The following KHDRBS2 variants were observed in gnomAD, a reference collection of about 807,000 sequenced individuals.
KHDRBS2 encodes the protein KH RNA binding domain containing, signal transduction associated 2, also known as KH domain-containing, RNA-binding, signal transduction-associated protein 2.
A neutral mutation model predicts 44.3 loss-of-function variants in KHDRBS2; 26 were observed. That is an observed-to-expected ratio of 0.59 (90% CI 0.43 to 0.81). KHDRBS2 has a LOEUF of 0.81. Among genes scored for constraint, KHDRBS2 ranks in the 40% least tolerant of loss-of-function variants. KHDRBS2 has a pLI of 0.00. For synonymous variants in KHDRBS2, 194 were observed against 151.1 expected (o/e 1.28, Z -2.08); for missense variants, 476 against 433.1 (o/e 1.10, Z -0.88).
chr6:62,093,705 A>C (rs958918618), intron 2 of KHDRBS2, among the ~76,000 whole-genome samples: 1 of 151,800 alleles, frequency 6.6e-6, no homozygotes, highest in African/African-American at 2.4e-5. Flanking sequence ...CTGGAAAGAC[A>C]ATGTTTTAGA....
intron 4 of KHDRBS2, among the ~76,000 whole-genome samples, chr6:61,934,167 G>A (rs1346682762): frequency 2.6e-5 from 4 of 151,680 alleles, no homozygotes; most frequent in Non-Finnish European, 5.9e-5. Context: ...TTTTGCAGTT[G>A]AATTGTTTGA....
the KHDRBS2 span, among the ~76,000 whole-genome samples, chr6:61,545,722 T>C: frequency 1.1e-3 from 164 of 152,106 alleles, no homozygotes; most frequent in African/African-American, 3.7e-3. Flanking sequence ...ATGTTGAAGC[T>C]CTATTTCCAG....
chr6:62,003,793 G>C (rs2127261638), intron 3 of KHDRBS2, among the ~76,000 whole-genome samples: 1 of 152,228 alleles, frequency 6.6e-6, no homozygotes, highest in East Asian at 1.9e-4. Flanking sequence ...AAATGTAAAA[G>C]ATCAGAAATC....
the KHDRBS2 span, among the ~76,000 whole-genome samples, chr6:61,566,622 C>G: frequency 6.6e-6 from 1 of 152,244 alleles, no homozygotes; most frequent in East Asian, 1.9e-4. Context: ...AGGTTAGAAG[C>G]AAGATAGAAT....
the KHDRBS2 span, among the ~76,000 whole-genome samples, chr6:61,548,378 T>C: frequency 6.6e-6 from 1 of 152,108 alleles, no homozygotes; most frequent in Non-Finnish European, 1.5e-5. Flanking sequence ...CTCAGAAACA[T>C]GGTTTCCATA....
chr6:61,585,989 C>T, the KHDRBS2 span, among the ~76,000 whole-genome samples: 1 of 152,004 alleles, frequency 6.6e-6, no homozygotes, highest in Non-Finnish European at 1.5e-5. Flanking sequence ...TAGCCTTCTC[C>T]AGACTATGAA....
chr6:62,010,899 T>G (rs1160599911), intron 3 of KHDRBS2, among the ~76,000 whole-genome samples: 2 of 152,148 alleles, frequency 1.3e-5, no homozygotes, highest in Admixed American at 6.6e-5. Flanking sequence ...GAAAAACCTA[T>G]CAGCAAATAA....
intron 2 of KHDRBS2, among the ~76,000 whole-genome samples, chr6:62,129,712 T>C (rs772290396): frequency 7.9e-5 from 12 of 152,122 alleles, no homozygotes; most frequent in Non-Finnish European, 1.5e-4. Flanking sequence ...TAAAATAGCA[T>C]TAAAATTTTT....
intron 4 of KHDRBS2, among the ~76,000 whole-genome samples, chr6:61,906,691 C>T (rs568268176): frequency 7.2e-5 from 11 of 152,184 alleles, no homozygotes; most frequent in South Asian, 6.2e-4. Context: ...CTTAACCTGA[C>T]GACAGTTTCC....
chr6:62,067,280 C>T (rs116069742), intron 2 of KHDRBS2, among the ~76,000 whole-genome samples: 51 of 151,592 alleles, frequency 3.4e-4, no homozygotes, highest in African/African-American at 1.2e-3. Flanking sequence ...ACCCACTTAG[C>T]GGTATTAGAA....
chr6:62,182,499 G>A (rs1228145614), intron 1 of KHDRBS2, among the ~76,000 whole-genome samples: 1 of 151,928 alleles, frequency 6.6e-6, no homozygotes, highest in Non-Finnish European at 1.5e-5. Flanking sequence ...GTAGTGGGAT[G>A]AAACTTTTTG....
intron 6 of KHDRBS2, among the ~76,000 whole-genome samples, chr6:61,886,775 CAT>C (rs1389617362): frequency 2.6e-5 from 4 of 152,090 alleles, no homozygotes; most frequent in Admixed American, 6.6e-5. Context: ...ATAGCAAATA[CAT>C]ATATGTTAAT....
intron 1 of KHDRBS2, among the ~76,000 whole-genome samples, chr6:62,180,672 T>C (rs1222560326): frequency 6.6e-6 from 1 of 151,800 alleles, no homozygotes; most frequent in Non-Finnish European, 1.5e-5. Flanking sequence ...TGACATTTTT[T>C]ACAAAAATAG....
At chr6:61,900,562 G>T (rs1803794933) in intron 5 of KHDRBS2, among the ~76,000 whole-genome samples, 2 of 152,070 alleles carry the variant, frequency 1.3e-5, no homozygotes, top group Admixed American at 6.6e-5. Flanking sequence ...AATACAAAAA[G>T]ATAGCAATTT....
chr6:62,140,919 A>G (rs1329703691), intron 2 of KHDRBS2, among the ~76,000 whole-genome samples: 3 of 152,246 alleles, frequency 2.0e-5, no homozygotes, highest in Non-Finnish European at 4.4e-5. Flanking sequence ...AGAAACTTCT[A>G]TTGGTGTTCA....
At chr6:61,853,897 A>G (rs1466922733) in intron 6 of KHDRBS2, among the ~76,000 whole-genome samples, 1 of 152,194 alleles carries the variant, frequency 6.6e-6, no homozygotes, top group Non-Finnish European at 1.5e-5. Context: ...AGAGAACGAG[A>G]GATAACCTTT....
At chr6:62,047,012 T>G (rs1787852336) in intron 3 of KHDRBS2, among the ~76,000 whole-genome samples, 1 of 151,946 alleles carries the variant, frequency 6.6e-6, no homozygotes, top group Non-Finnish European at 1.5e-5. Context: ...CACTATAAAT[T>G]TCCTCATTTA....
intron 4 of KHDRBS2, among the ~76,000 whole-genome samples, chr6:61,913,734 G>C (rs1380592769): frequency 6.6e-6 from 1 of 152,010 alleles, no homozygotes; most frequent in Non-Finnish European, 1.5e-5. Context: ...TGGGAAGTCA[G>C]CAGTGCCCTA....
At chr6:61,773,988 G>C (rs1200798106) in intron 6 of KHDRBS2, among the ~76,000 whole-genome samples, 1 of 152,154 alleles carries the variant, frequency 6.6e-6, no homozygotes, top group Non-Finnish European at 1.5e-5. Context: ...GCTCTGTTCT[G>C]TTCCATTGAT....
Sources: allele counts gnomAD v4.1 joint callset (sites outside exome capture counted in the v4.1 genomes callset), GRCh38; gene constraint gnomAD v4.1.1; transcripts MANE v1.5; gene names NCBI Gene and HGNC (gene_info 2026-07-23, HGNC 2026-07-21).